Variants in LHFPL2 observed in about 807,000 individuals in gnomAD.
LHFPL2 encodes LHFPL tetraspan subfamily member 2 protein.
Under a neutral mutation model 17.5 loss-of-function variants are expected in LHFPL2, and 7 were observed. That is an observed-to-expected ratio of 0.40 (90% CI 0.23 to 0.75). The LOEUF (loss-of-function observed/expected upper bound fraction) is 0.75, where lower values mean the gene tolerates loss of function less well. Among genes scored for constraint, LHFPL2 ranks in the 30% least tolerant of loss-of-function variants. LHFPL2 has a pLI of 0.37. For missense variants in LHFPL2, 241 were observed against 294.8 expected, an observed-to-expected ratio of 0.82 and a Z score of 1.34; for synonymous variants, 134 against 116.2, an observed-to-expected ratio of 1.15 and a Z score of -0.99.
intron 3 of LHFPL2, among the ~76,000 whole-genome samples, chr5:78,534,336 G>A (rs530479120): frequency 1.4e-4 from 22 of 152,168 alleles, no homozygotes; most frequent in Non-Finnish European, 2.5e-4. Context: ...AGAAATGGCC[G>A]GGAGTCCAGG....
At chr5:78,554,169 T>TA (rs1175616954) in intron 3 of LHFPL2, among the ~76,000 whole-genome samples, 2 of 152,262 alleles carry the variant, frequency 1.3e-5, no homozygotes, top group African/African-American at 4.8e-5. Context: ...GTTGAAAACT[T>TA]ACGACAGTGC....
chr5:78,579,428 G>T (rs940629299), intron 2 of LHFPL2, among the ~76,000 whole-genome samples: 1 of 152,012 alleles, frequency 6.6e-6, no homozygotes, highest in Non-Finnish European at 1.5e-5. Context: ...TGCCATGCTG[G>T]TGCGCTGCAC....
At chr5:78,506,030 T>TATCAGCC (rs1468216535) in intron 4 of LHFPL2, among the ~76,000 whole-genome samples, 1 of 152,248 alleles carries the variant, frequency 6.6e-6, no homozygotes, top group African/African-American at 2.4e-5. Context: ...ATTTAGAAAG[T>TATCAGCC]ATCAGCCGGG....
At chr5:78,493,095 A>AT (rs1230964117) in intron 4 of LHFPL2, among the ~76,000 whole-genome samples, 4 of 152,214 alleles carry the variant, frequency 2.6e-5, no homozygotes, top group Admixed American at 1.3e-4. Flanking sequence ...GCAAAAATAA[A>AT]TTTTTTTAAA....
At chr5:78,619,641 TC>T (rs954302989) in intron 2 of LHFPL2, among the ~76,000 whole-genome samples, 2 of 106,408 alleles carry the variant, frequency 1.9e-5, no homozygotes, top group African/African-American at 7.2e-5. Flanking sequence ...CCTAATGCTA[TC>T]CCTCCCCCCT....
intron 2 of LHFPL2, among the ~76,000 whole-genome samples, chr5:78,577,263 A>G (rs2112435466): frequency 6.6e-6 from 1 of 152,292 alleles, no homozygotes; most frequent in African/African-American, 2.4e-5. Context: ...GAATATCAAC[A>G]TGAGTTGTTT....
intron 3 of LHFPL2, among the ~76,000 whole-genome samples, chr5:78,529,169 C>A (rs1280655065): frequency 6.6e-6 from 1 of 151,964 alleles, no homozygotes; most frequent in Admixed American, 6.6e-5. Context: ...GCCTGTAGTC[C>A]CAGCTACACA....
chr5:78,628,841 G>A (rs1193958254), intron 2 of LHFPL2, among the ~76,000 whole-genome samples: 1 of 152,214 alleles, frequency 6.6e-6, no homozygotes, highest in South Asian at 2.1e-4. Context: ...GTAAGTAGAT[G>A]AAATGCAGGC....
intron 2 of LHFPL2, among the ~76,000 whole-genome samples, chr5:78,581,800 C>T (rs1230180069): frequency 6.6e-6 from 1 of 152,170 alleles, no homozygotes; most frequent in Non-Finnish European, 1.5e-5. Context: ...TGATGCTGGC[C>T]TCATAAAATG....
At chr5:78,630,446 A>C (rs948074411) in intron 2 of LHFPL2, among the ~76,000 whole-genome samples, 3 of 152,204 alleles carry the variant, frequency 2.0e-5, no homozygotes, top group African/African-American at 7.2e-5. Flanking sequence ...TTATTTTTCA[A>C]GTATGATAGA....
At chr5:78,620,640 C>T (rs1429397671) in intron 2 of LHFPL2, among the ~76,000 whole-genome samples, 2 of 152,170 alleles carry the variant, frequency 1.3e-5, no homozygotes, top group Non-Finnish European at 2.9e-5. Flanking sequence ...AAGCAAGGTT[C>T]TACTGGCATC....
intron 3 of LHFPL2, among the ~76,000 whole-genome samples, chr5:78,546,808 G>T (rs1393718557): frequency 6.6e-6 from 1 of 152,196 alleles, no homozygotes; most frequent in Admixed American, 6.5e-5. Context: ...GCTTCCAAAT[G>T]TCTGTGGATT....
intron 3 of LHFPL2, among the ~76,000 whole-genome samples, chr5:78,556,294 T>A (rs556314692): frequency 2.6e-5 from 4 of 152,378 alleles, no homozygotes; most frequent in Admixed American, 2.6e-4. Flanking sequence ...ATGTCACTAT[T>A]ATCATAAATG....
In LHFPL2 at chr5:78,509,788, A is replaced by G; in HGVS notation, c.426T>C (p.Ile142=). Residue 142 remains isoleucine (I), a synonymous_variant, in exon 4 of 5, where the codon ATT becomes ATC. Transcript: ENST00000380345. ...CCCGGGGTCCTGCCTTCTTACCTGC[A>G]ATTCCTTGCAACAGCCCACAGACAT... ...IFNVCGLLQG[I]AGLFLILGLI... is the part of the protein sequence containing the mutation. 6.2e-7 allele frequency: 1 copy of G among 1,608,908 alleles called. No individual in the cohort carries two copies. The highest frequency in any genetic ancestry group is 8.5e-7 in the Non-Finnish European group (1 of 1,175,644).
In LHFPL2 at chr5:78,524,895, T is replaced by C. The variant is rs76998913; in HGVS notation, c.-185-14497A>G. ...AAACTATGCAAACAATAAATATTTC[T>C]TGAAATAATTAAAACTTCAGAACAT... On this transcript the variant is annotated intron_variant, in intron 3 of 4. Transcript: ENST00000380345. 9.1e-3 allele frequency among the ~76,000 whole-genome samples: 1,385 copies of C among 152,338 alleles called. 45 individuals are homozygous for C. In the East Asian group the frequency reaches 0.11, roughly 12 times the overall value.
chr5:78,519,708 T>G (rs750195129), intron 3 of LHFPL2, among the ~76,000 whole-genome samples: 6 of 152,242 alleles, frequency 3.9e-5, no homozygotes, highest in Admixed American at 3.9e-4. Flanking sequence ...ACTTAGCACA[T>G]GGCCAGCACT....
intron 2 of LHFPL2, among the ~76,000 whole-genome samples, chr5:78,585,379 G>A (rs549238387): frequency 5.9e-5 from 9 of 151,708 alleles, no homozygotes; most frequent in African/African-American, 1.5e-4. Context: ...TCCAGGTGCC[G>A]TCTGTCACCC....
chr5:78,527,657 C>T (rs78928285), intron 3 of LHFPL2, among the ~76,000 whole-genome samples: 2,091 of 151,412 alleles, frequency 0.014, 46 homozygotes, highest in African/African-American at 0.047. Context: ...AGTCAAGGGA[C>T]GAAGGATTTC....
intron 3 of LHFPL2, among the ~76,000 whole-genome samples, chr5:78,534,710 G>T (rs554849264): frequency 5.9e-5 from 9 of 152,306 alleles, no homozygotes; most frequent in Non-Finnish European, 1.2e-4. Context: ...AAGGCCCAGG[G>T]CCTTCTCAGC....
Sources: allele counts gnomAD v4.1 joint callset (sites outside exome capture counted in the v4.1 genomes callset), GRCh38; gene constraint gnomAD v4.1.1; transcripts MANE v1.5; gene names NCBI Gene and HGNC (gene_info 2026-07-23, HGNC 2026-07-21).